The following MTCL3 variants were observed in gnomAD, a reference collection of about 807,000 sequenced individuals.
MTCL3 encodes microtubule cross-linking factor 3.
chr6:127,512,745 A>T, the MTCL3 span: 8 of 666,568 alleles, frequency 1.2e-5, no homozygotes. Flanking sequence ...ATTAGTATGA[A>T]ATCATGTATT....
the MTCL3 span, among the ~76,000 whole-genome samples, chr6:127,477,458 C>T: frequency 6.6e-6 from 1 of 152,060 alleles, no homozygotes; most frequent in Non-Finnish European, 1.5e-5. Context: ...GTACTTTGAG[C>T]CAATCATATA....
chr6:127,507,179 C>A, the MTCL3 span, among the ~76,000 whole-genome samples: 5 of 152,090 alleles, frequency 3.3e-5, no homozygotes, highest in Admixed American at 2.6e-4. Context: ...ACATCAAAAT[C>A]AATAGATATT....
chr6:127,501,089 G>T, the MTCL3 span, among the ~76,000 whole-genome samples: 1 of 152,228 alleles, frequency 6.6e-6, no homozygotes, highest in Admixed American at 6.5e-5. Context: ...TGGGATTACA[G>T]GCATGAGCCA....
chr6:127,473,598 C>T, the MTCL3 span, among the ~76,000 whole-genome samples: 16 of 152,136 alleles, frequency 1.1e-4, no homozygotes, highest in Non-Finnish European at 1.8e-4. Flanking sequence ...AGAGTATAAC[C>T]GAATACATAT....
the MTCL3 span, among the ~76,000 whole-genome samples, chr6:127,504,670 A>G: frequency 4.6e-5 from 7 of 152,274 alleles, no homozygotes; most frequent in African/African-American, 1.7e-4. Flanking sequence ...GATTGAGGTT[A>G]ATTGAGGTCT....
the MTCL3 span, chr6:127,516,838 A>G: frequency 1.4e-6 from 1 of 730,458 alleles, no homozygotes; most frequent in East Asian, 3.1e-5. Flanking sequence ...GTCTTTAGGA[A>G]TAGGATGGAG....
chr6:127,499,664 G>A, the MTCL3 span, among the ~76,000 whole-genome samples: 5 of 152,080 alleles, frequency 3.3e-5, no homozygotes, highest in Admixed American at 2.0e-4. Context: ...TTTCTGAACC[G>A]GGTATTCTTC....
the MTCL3 span, among the ~76,000 whole-genome samples, chr6:127,483,421 C>G: frequency 2.6e-5 from 4 of 152,138 alleles, no homozygotes; most frequent in African/African-American, 9.7e-5. Flanking sequence ...TATGTAGAAT[C>G]GGAAGCACTT....
the MTCL3 span, among the ~76,000 whole-genome samples, chr6:127,492,786 C>T: frequency 1.3e-5 from 2 of 152,102 alleles, no homozygotes; most frequent in Admixed American, 6.6e-5. Flanking sequence ...CCTCCCAAAG[C>T]GCTGGGATTA....
At chr6:127,515,978 C>T in the MTCL3 span, 1 of 1,592,776 alleles carries the variant, frequency 6.3e-7, no homozygotes, top group African/African-American at 1.3e-5. This position sits in a 1 kb window ranked among gnomAD's most constrained non-coding sequence, Gnocchi z 4.3. Context: ...GGGGAGGCCC[C>T]CTCCCCGCCG....
chr6:127,474,370 C>T, the MTCL3 span, among the ~76,000 whole-genome samples: 1 of 152,092 alleles, frequency 6.6e-6, no homozygotes, highest in African/African-American at 2.4e-5. Flanking sequence ...CTCCCTCTCC[C>T]CGGGTTCAAG....
the MTCL3 span, among the ~76,000 whole-genome samples, chr6:127,508,519 T>C: frequency 6.6e-6 from 1 of 152,210 alleles, no homozygotes; most frequent in Non-Finnish European, 1.5e-5. Flanking sequence ...CCAAGATAGA[T>C]GGTGCTATTT....
At chr6:127,488,295 C>G in the MTCL3 span, among the ~76,000 whole-genome samples, 1 of 152,214 alleles carries the variant, frequency 6.6e-6, no homozygotes, top group Non-Finnish European at 1.5e-5. Flanking sequence ...TTCGGCCATT[C>G]TCTTCCTTTG....
At chr6:127,473,440 C>A in the MTCL3 span, 1 of 1,351,674 alleles carries the variant, frequency 7.4e-7, no homozygotes, top group South Asian at 1.5e-5. Flanking sequence ...TAATAATAAT[C>A]TTTAAAACTT....
chr6:127,476,214 T>A, the MTCL3 span: 1 of 1,614,132 alleles, frequency 6.2e-7, no homozygotes. This position sits in a 1 kb window ranked among gnomAD's most constrained non-coding sequence, Gnocchi z 4.4. Flanking sequence ...GTTCGACGAT[T>A]TTCCTGCCCA....
At chr6:127,496,123 A>G in the MTCL3 span, among the ~76,000 whole-genome samples, 1 of 152,200 alleles carries the variant, frequency 6.6e-6, no homozygotes, top group South Asian at 2.1e-4. Context: ...AGCATGAGAT[A>G]CCACTGCCAC....
chr6:127,497,259 T>C, the MTCL3 span, among the ~76,000 whole-genome samples: 1 of 152,186 alleles, frequency 6.6e-6, no homozygotes, highest in African/African-American at 2.4e-5. Flanking sequence ...TTTTCCCCAG[T>C]ACATGCATAA....
the MTCL3 span, among the ~76,000 whole-genome samples, chr6:127,514,433 G>C: frequency 6.6e-6 from 1 of 152,218 alleles, no homozygotes; most frequent in South Asian, 2.1e-4. Flanking sequence ...AGTCCTTTTA[G>C]TGCAGCTCCT....
At chr6:127,512,559 A>G in the MTCL3 span, among the ~76,000 whole-genome samples, 1 of 152,162 alleles carries the variant, frequency 6.6e-6, no homozygotes, top group Non-Finnish European at 1.5e-5. Context: ...CCCCTCAACT[A>G]TCACAAGTCT....
Sources: gnomAD v4.1 joint callset for allele counts (sites outside exome capture counted in the v4.1 genomes callset) on GRCh38, gnomAD v4.1.1 for gene constraint, Gnocchi (gnomAD v3.1) non-coding constraint, MANE v1.5 for transcripts, NCBI Gene and HGNC (gene_info 2026-07-23, HGNC 2026-07-21) for gene names.